TAF4: variants seen among roughly 807,000 people sequenced by gnomAD.
The protein encoded by TAF4 is transcription initiation factor TFIID subunit 4.
Under a neutral mutation model 90.3 loss-of-function variants are expected in TAF4, and 9 were observed. That is an observed-to-expected ratio of 0.10 (90% CI 0.06 to 0.17). The LOEUF is 0.17. Among genes scored for constraint, TAF4 ranks in the 10% least tolerant of loss-of-function variants. The pLI is 1.00. For synonymous variants in TAF4, 818 were observed against 638.9 expected (o/e 1.28, Z -4.23); for missense variants, 1,351 against 1,370.7 (o/e 0.99, Z 0.23).
chr20:61,986,871 A>G (rs1403280387), intron 14 of TAF4, among the ~76,000 whole-genome samples: 1 of 152,230 alleles, frequency 6.6e-6, no homozygotes, highest in Non-Finnish European at 1.5e-5. Flanking sequence ...AAACAGAAAG[A>G]CAGAAATAGA....
At chr20:62,024,861 C>T (rs1471115844) in intron 1 of TAF4, among the ~76,000 whole-genome samples, 1 of 151,444 alleles carries the variant, frequency 6.6e-6, no homozygotes, top group Non-Finnish European at 1.5e-5. Flanking sequence ...CACTGAGAGA[C>T]TCCGCGTCTC....
chr20:61,985,957 G>A (rs1343328295), intron 14 of TAF4, among the ~76,000 whole-genome samples: 21 of 104,000 alleles, frequency 2.0e-4, no homozygotes, highest in South Asian at 3.3e-4. Context: ...CACCATCCCC[G>A]ACCAAAGGAA....
rs547784483 is a variant in TAF4, at chr20:61,981,677, G to A, written c.3091-5342C>T. Among the ~76,000 whole-genome samples, 11 of 152,142 alleles carry A rather than the reference G, an allele frequency of 7.2e-5. No homozygotes were observed. In the South Asian group the frequency reaches 2.3e-3, roughly 32 times the overall value. ...GGAGAAAACAGGGCAAATGAGAGCT[G>A]GGCGAATCTCCCCCTCAGGCAGAGT... On this transcript the variant is annotated intron_variant, in intron 14 of 14. Coordinates refer to ENST00000252996, the MANE Select transcript of TAF4 (RefSeq NM_003185.4).
At chr20:62,001,773 C>G (rs1388121664) in intron 9 of TAF4, among the ~76,000 whole-genome samples, 2 of 152,186 alleles carry the variant, frequency 1.3e-5, no homozygotes, top group Non-Finnish European at 2.9e-5. Flanking sequence ...CACGTCATGC[C>G]CATGTCCACT....
intron 1 of TAF4, among the ~76,000 whole-genome samples, chr20:62,041,028 C>T (rs1442950438): frequency 2.0e-5 from 3 of 152,262 alleles, no homozygotes; most frequent in East Asian, 1.9e-4. Flanking sequence ...GTGTTGCACA[C>T]GATGCCCCTC....
chr20:62,005,463 T>G (rs148044944), intron 7 of TAF4: 1 of 152,274 alleles, frequency 6.6e-6, no homozygotes, highest in African/African-American at 2.4e-5. Flanking sequence ...AAGAAAATGA[T>G]TGCCCACAGG....
rs571258497 is a variant in TAF4, at chr20:61,986,008, G to C, written c.3091-9673C>G. Among the ~76,000 whole-genome samples the C allele has an allele frequency of 3.5e-5, 5 of 142,766 alleles. 1 individual carries two copies. The highest frequency in any genetic ancestry group is 1.3e-4 in the African/African-American group (5 of 38,302). 93.7% of individuals were successfully genotyped at this position (142,766 alleles called of 152,430 possible). A position where few individuals can be genotyped will look rare whatever the true frequency, so the allele number is the denominator to read the frequency against. ...AAAGGAAATACCATCCCCAACCAAA[G>C]GAAACACCATCCCCCATCAAAGGAA... is the stretch of plus-strand genomic sequence containing the variant. On this transcript the variant is annotated intron_variant, in intron 14 of 14. Transcript: ENST00000252996.
Position 61,997,637 on chromosome 20 carries a change from C to T in TAF4, c.3003G>A (p.Gln1001=). 1 of 1,613,330 alleles carries T rather than the reference C, an allele frequency of 6.2e-7. No individual in the cohort carries two copies. The highest frequency in any genetic ancestry group is 8.5e-7 in the Non-Finnish European group (1 of 1,179,774). ...MQQQELAQMR[Q]RDANLTALAA... is the part of the protein sequence containing the mutation. ...CTAGTGCTGTGAGGTTGGCGTCCCG[C>T]TGTCTCATTTGTGCCAGTTCCTGTT... The change falls in exon 14 of 15, where the codon CAG becomes CAA. Residue 1001 remains glutamine (Q), a synonymous_variant. Coordinates refer to ENST00000252996, the MANE Select transcript of TAF4 (RefSeq NM_003185.4).
chr20:62,013,003 A>C (rs1334756114), intron 2 of TAF4, 69 bp from the exon 3 acceptor site: 1 of 1,585,468 alleles, frequency 6.3e-7, no homozygotes, highest in Non-Finnish European at 8.6e-7. Context: ...GGTACACAGA[A>C]ATTATTCCTT....
chr20:61,995,278 C>T (rs979793659), intron 14 of TAF4, among the ~76,000 whole-genome samples: 2 of 152,128 alleles, frequency 1.3e-5, no homozygotes, highest in African/African-American at 4.8e-5. Flanking sequence ...TATAAAACAG[C>T]TTTAATAATA....
At chr20:62,039,481 A>G (rs1336920851) in intron 1 of TAF4, among the ~76,000 whole-genome samples, 1 of 152,248 alleles carries the variant, frequency 6.6e-6, no homozygotes, top group Non-Finnish European at 1.5e-5. Context: ...TAAGCATTCT[A>G]GAAAACTCCT....
intron 1 of TAF4, among the ~76,000 whole-genome samples, chr20:62,032,674 T>C (rs1211255886): frequency 6.6e-6 from 1 of 152,232 alleles, no homozygotes; most frequent in Non-Finnish European, 1.5e-5. Context: ...AGCTGGCAGA[T>C]GACATGGACC....
intron 1 of TAF4, among the ~76,000 whole-genome samples, chr20:62,027,069 A>G (rs892502435): frequency 2.0e-5 from 3 of 152,230 alleles, no homozygotes; most frequent in African/African-American, 7.2e-5. Flanking sequence ...AAATGGCAAC[A>G]ATACACCAAA....
At chr20:61,977,431 C>T (rs964770059) in intron 14 of TAF4, among the ~76,000 whole-genome samples, 4 of 152,044 alleles carry the variant, frequency 2.6e-5, no homozygotes, top group African/African-American at 9.7e-5. Flanking sequence ...CTGGAAGGAG[C>T]GGATTCTGCT....
chr20:62,065,361 G>A lies in TAF4; in HGVS notation c.450C>T (p.Pro150=). 6.2e-6 allele frequency: 6 copies of A among 969,046 alleles called. No homozygotes were observed. Among genetic ancestry groups the A allele is most frequent in the Non-Finnish European group, 7.3e-6 (6 of 821,476 alleles). 60.0% of individuals were successfully genotyped at this position (969,046 alleles called of 1,614,324 possible). A position where few individuals can be genotyped will look rare whatever the true frequency, so the allele number is the denominator to read the frequency against. The change falls in exon 1 of 15, where the codon CCC becomes CCT. Residue 150 remains proline (P), a synonymous_variant. Transcript: ENST00000252996. ...TGGCGGGGCCGGCGGGGGCGGGCTC[G>A]GGCCCCGCGGCGACGGCGGCGGCGG... ...VPAAAAVAAG[P]EPAPAGPAKP... is the part of the protein sequence containing the mutation.
Position 62,065,497 on chromosome 20 carries a change from G to T in TAF4, c.314C>A (p.Pro105Gln). Residue 105 changes from proline to glutamine, a missense_variant, in exon 1 of 15, where the codon CCG (proline) becomes CAG (glutamine). Pro to Gln is a moderately conservative substitution (Grantham distance 76). Coordinates refer to ENST00000252996, the MANE Select transcript of TAF4 (RefSeq NM_003185.4). ...ARPGGGGPQR[P>Q]GPPSPRRPLV... The stretch of plus-strand genomic sequence containing the variant: ...GGGGCGGCGCGGTGAGGGGGGGCCC[G>T]GGCGCTGCGGCCCCCCGCCCCCCGG... 1 of 969,358 alleles carries T rather than the reference G, an allele frequency of 1.0e-6. No individual in the cohort carries two copies. Among genetic ancestry groups the T allele is most frequent in the South Asian group, 4.6e-5 (1 of 21,738 alleles). The allele number at this position is 969,358 out of a possible 1,614,324, so 60.0% of individuals were successfully genotyped here.
At chr20:62,014,839 C>G in intron 1 of TAF4, 132 bp from the exon 2 acceptor site, 1 of 1,236,418 alleles carries the variant, frequency 8.1e-7, no homozygotes, top group East Asian at 2.6e-5. Flanking sequence ...CACACGAATC[C>G]CCCAAACTCA....
chr20:62,043,441 T>C (rs1811411923), intron 1 of TAF4, among the ~76,000 whole-genome samples: 1 of 152,198 alleles, frequency 6.6e-6, no homozygotes, highest in Non-Finnish European at 1.5e-5. Flanking sequence ...AAGTCAAGGT[T>C]ATTACTGAAG....
chr20:62,065,175 T>G lies in TAF4; in HGVS notation c.636A>C (p.Ala212=), dbSNP rs1423597946. The G allele has an allele frequency of 8.3e-7, 1 of 1,197,860 alleles. No homozygotes were observed. The highest frequency in any genetic ancestry group is 1.1e-6 in the Non-Finnish European group (1 of 945,904). 74.2% of individuals were successfully genotyped at this position (1,197,860 alleles called of 1,614,324 possible). A position where few individuals can be genotyped will look rare whatever the true frequency, so the allele number is the denominator to read the frequency against. ...CGTTGTTGACCAGGCTGACAGCAGG[T>G]GCGGCGGCGTGGTGCGAGTTCAGCA... ...AALLNSHHAA[A]PAVSLVNNGP... is the part of the protein sequence containing the mutation. The change falls in exon 1 of 15, where the codon GCA becomes GCC. Residue 212 remains alanine (A), a synonymous_variant. Coordinates refer to ENST00000252996, the MANE Select transcript of TAF4 (RefSeq NM_003185.4).
Sources: allele counts gnomAD v4.1 joint callset (sites outside exome capture counted in the v4.1 genomes callset), GRCh38; gene constraint gnomAD v4.1.1; transcripts MANE v1.5; gene names NCBI Gene and HGNC (gene_info 2026-07-23, HGNC 2026-07-21).